The following ZFPM2 variants were observed in gnomAD, a reference collection of about 807,000 sequenced individuals.
The protein encoded by ZFPM2 is zinc finger protein, FOG family member 2, also known as zinc finger protein ZFPM2.
A neutral mutation model predicts 98.6 loss-of-function variants in ZFPM2; 20 were observed. The ratio of observed to expected loss-of-function variants is 0.20; its 90% confidence interval spans 0.14 to 0.29. ZFPM2 has a LOEUF of 0.29. ZFPM2 is among the 10% of genes least tolerant of loss of function. The pLI is 1.00. For synonymous variants in ZFPM2, 518 were observed against 502.7 expected, an observed-to-expected ratio of 1.03 and a Z score of -0.41; for missense variants, 1,310 against 1,388.6, an observed-to-expected ratio of 0.94 and a Z score of 0.90.
chr8:105,406,949 G>T (rs898719780), intron 1 of ZFPM2, among the ~76,000 whole-genome samples: 7 of 151,864 alleles, frequency 4.6e-5, no homozygotes, highest in Non-Finnish European at 8.8e-5. Context: ...TGAGCCAAAC[G>T]TTGGCCTGAC....
chr8:105,443,325 A>C (rs1484156087), intron 2 of ZFPM2, among the ~76,000 whole-genome samples: 1 of 147,198 alleles, frequency 6.8e-6, no homozygotes, highest in Admixed American at 6.7e-5. Context: ...AAAACAAAAA[A>C]CAAAAAAAAA....
chr8:105,796,135 A>C (rs1813803459), intron 6 of ZFPM2, among the ~76,000 whole-genome samples: 1 of 152,178 alleles, frequency 6.6e-6, no homozygotes, highest in Non-Finnish European at 1.5e-5. Context: ...GTATTATTGG[A>C]TTTCCTTATG....
chr8:105,704,200 C>A (rs1334155052), intron 5 of ZFPM2, among the ~76,000 whole-genome samples: 5 of 152,134 alleles, frequency 3.3e-5, no homozygotes. Flanking sequence ...ATTGGTTTTA[C>A]GTGGATTTTG....
intron 4 of ZFPM2, among the ~76,000 whole-genome samples, chr8:105,581,499 G>T (rs1342598279): frequency 6.6e-6 from 1 of 152,104 alleles, no homozygotes; most frequent in African/African-American, 2.4e-5. Context: ...TTGATGTCTG[G>T]TAGACTGCAA....
At chr8:105,374,592 C>T (rs1810685823) in intron 1 of ZFPM2, among the ~76,000 whole-genome samples, 1 of 152,002 alleles carries the variant, frequency 6.6e-6, no homozygotes, top group Non-Finnish European at 1.5e-5. Flanking sequence ...CCCTATGTTG[C>T]CCAGGCTGTT....
At chr8:105,793,983 T>G (rs966092801) in intron 6 of ZFPM2, among the ~76,000 whole-genome samples, 1 of 152,108 alleles carries the variant, frequency 6.6e-6, no homozygotes, top group Non-Finnish European at 1.5e-5. Flanking sequence ...TTCGTCTAAA[T>G]TTTTTTCAAA....
At chr8:105,581,780 A>G (rs1815606106) in intron 4 of ZFPM2, among the ~76,000 whole-genome samples, 1 of 152,168 alleles carries the variant, frequency 6.6e-6, no homozygotes, top group East Asian at 1.9e-4. Context: ...GATTCTCACC[A>G]CCTTGTTTTA....
chr8:105,380,021 C>T (rs561764941), intron 1 of ZFPM2, among the ~76,000 whole-genome samples: 57 of 152,032 alleles, frequency 3.7e-4, no homozygotes, highest in East Asian at 1.4e-3. Flanking sequence ...CAAAATGCTC[C>T]GTTATATAGA....
chr8:105,543,085 A>G (rs1402460596), intron 3 of ZFPM2, among the ~76,000 whole-genome samples: 5 of 152,216 alleles, frequency 3.3e-5, no homozygotes, highest in African/African-American at 4.8e-5. Flanking sequence ...TCTTAGTGAT[A>G]TTAATAGACT....
chr8:105,594,738 A>T (rs150280266), intron 4 of ZFPM2, among the ~76,000 whole-genome samples: 6 of 152,236 alleles, frequency 3.9e-5, no homozygotes, highest in Non-Finnish European at 7.4e-5. Flanking sequence ...ACCTCCCTAC[A>T]GTTCCATTTT....
At chr8:105,712,637 T>TGC (rs1811430189) in intron 5 of ZFPM2, among the ~76,000 whole-genome samples, 1 of 152,008 alleles carries the variant, frequency 6.6e-6, no homozygotes, top group Middle Eastern at 3.2e-3. Flanking sequence ...ATGCTGAGGT[T>TGC]TGGGCTTCTA....
chr8:105,641,890 T>C (rs966792204), intron 5 of ZFPM2, among the ~76,000 whole-genome samples: 4 of 152,092 alleles, frequency 2.6e-5, no homozygotes, highest in Non-Finnish European at 5.9e-5. Flanking sequence ...AAAAATATCC[T>C]AAACCACCCT....
chr8:105,559,801 A>T (rs928396850), intron 3 of ZFPM2, among the ~76,000 whole-genome samples: 1 of 152,162 alleles, frequency 6.6e-6, no homozygotes, highest in Non-Finnish European at 1.5e-5. Flanking sequence ...TTGAAAAAAA[A>T]CTCAAGATTG....
chr8:105,437,623 C>T (rs1812150805), intron 2 of ZFPM2, among the ~76,000 whole-genome samples: 1 of 152,162 alleles, frequency 6.6e-6, no homozygotes, highest in South Asian at 2.1e-4. Context: ...CTGGATTATA[C>T]TCTTACCTCA....
chr8:105,583,750 G>T lies in ZFPM2; in HGVS notation c.420+22269G>T, dbSNP rs149059628. The stretch of plus-strand genomic sequence containing the variant: ...CAGAGAGTTGAAGAATAAACATATG[G>T]GCTGGAATGCCGGCTAGGAGAAAAG... On this transcript the variant is annotated intron_variant, in intron 4 of 7. Coordinates refer to ENST00000407775, the MANE Select transcript of ZFPM2 (RefSeq NM_012082.4). 3.9e-3 allele frequency among the ~76,000 whole-genome samples: 596 copies of T among 152,228 alleles called. 9 individuals carry two copies. Among genetic ancestry groups the T allele is most frequent in the African/African-American group, 0.013 (534 of 41,528 alleles).
intron 1 of ZFPM2, among the ~76,000 whole-genome samples, chr8:105,394,022 T>C (rs1811170953): frequency 6.6e-6 from 1 of 151,836 alleles, no homozygotes; most frequent in Non-Finnish European, 1.5e-5. Context: ...GCCTCTCAAG[T>C]AGCTGAGACT....
chr8:105,450,002 C>T (rs565222753), intron 3 of ZFPM2, among the ~76,000 whole-genome samples: 263 of 152,006 alleles, frequency 1.7e-3, no homozygotes, highest in Non-Finnish European at 2.2e-3. Flanking sequence ...CTATTCCACC[C>T]GACTTAAAAC....
chr8:105,775,213 G>A (rs1014841322), intron 5 of ZFPM2, among the ~76,000 whole-genome samples: 3 of 152,128 alleles, frequency 2.0e-5, no homozygotes, highest in Admixed American at 1.3e-4. Context: ...ACAGAGAAGT[G>A]GAAGGAGAAA....
At chr8:105,350,534 G>T (rs891256887) in intron 1 of ZFPM2, among the ~76,000 whole-genome samples, 3 of 152,184 alleles carry the variant, frequency 2.0e-5, no homozygotes, top group Non-Finnish European at 4.4e-5. Context: ...TAGGCTGAAA[G>T]ATGAAGAAAA....
Sources: gnomAD v4.1 joint callset for allele counts (sites outside exome capture counted in the v4.1 genomes callset) on GRCh38, gnomAD v4.1.1 for gene constraint, MANE v1.5 for transcripts, NCBI Gene and HGNC (gene_info 2026-07-23, HGNC 2026-07-21) for gene names.